The following STPG2 variants were observed in gnomAD, a reference collection of about 807,000 sequenced individuals.
The protein encoded by STPG2 is sperm tail PG-rich repeat containing 2, also known as sperm-tail PG-rich repeat-containing protein 2.
In STPG2, 56 loss-of-function variants were observed where a neutral mutation model predicts 54.2. The ratio of observed to expected loss-of-function variants is 1.03; its 90% CI spans 0.83 to 1.29. The LOEUF (loss-of-function observed/expected upper bound fraction) is 1.29, where lower values mean the gene tolerates loss of function less well. STPG2 is among the 50% of genes most tolerant of loss of function. The probability of loss-of-function intolerance (pLI) is 0.00; values close to 1 mark genes in which losing one functional copy is unlikely to be tolerated. For missense variants in STPG2, 596 were observed against 544.9 expected (o/e 1.09, Z -0.93); for synonymous variants, 200 against 181.8 (o/e 1.10, Z -0.81).
At chr4:97,489,002 G>A (rs751534378) in intron 4 of STPG2, among the ~76,000 whole-genome samples, 5 of 151,648 alleles carry the variant, frequency 3.3e-5, no homozygotes, top group Non-Finnish European at 5.9e-5. Flanking sequence ...CACAGTTCAT[G>A]GGAAGAACCC....
chr4:97,799,594 T>A (rs1727314167), intron 9 of STPG2, among the ~76,000 whole-genome samples: 2 of 152,220 alleles, frequency 1.3e-5, no homozygotes, highest in Admixed American at 1.3e-4. Context: ...AACCCGACCT[T>A]TCTCTCTGGC....
downstream of STPG2, among the ~76,000 whole-genome samples, chr4:97,553,893 C>G (rs1578383548): frequency 6.6e-6 from 1 of 152,288 alleles, no homozygotes; most frequent in East Asian, 1.9e-4. Flanking sequence ...AGTATTGGCT[C>G]AATCTCATTA....
chr4:97,553,393 C>T (rs1271556970), intron 4 of STPG2, among the ~76,000 whole-genome samples: 3 of 152,086 alleles, frequency 2.0e-5, no homozygotes, highest in African/African-American at 7.2e-5. Context: ...TTTTTCATCA[C>T]TGTTAAATAT....
chr4:97,961,044 ATACT>A (rs1231722096), intron 7 of STPG2, among the ~76,000 whole-genome samples: 1 of 152,056 alleles, frequency 6.6e-6, no homozygotes, highest in Non-Finnish European at 1.5e-5. Context: ...ATAAACCTAA[ATACT>A]TACAGTCAAC....
At chr4:97,967,407 T>C (rs574890804) in intron 7 of STPG2, among the ~76,000 whole-genome samples, 3 of 152,178 alleles carry the variant, frequency 2.0e-5, no homozygotes, top group East Asian at 3.9e-4. Flanking sequence ...ACAATAATAA[T>C]GGGAGACTTG....
At chr4:97,742,075 G>A (rs1725259531) in intron 9 of STPG2, among the ~76,000 whole-genome samples, 1 of 151,940 alleles carries the variant, frequency 6.6e-6, no homozygotes, top group Admixed American at 6.6e-5. Flanking sequence ...GGACATGGAT[G>A]AAATTGGAAA....
intron 10 of STPG2, among the ~76,000 whole-genome samples, chr4:97,576,478 T>A (rs958031521): frequency 4.6e-5 from 7 of 152,022 alleles, no homozygotes; most frequent in Admixed American, 1.3e-4. Flanking sequence ...TAGACAAAGT[T>A]GACAAAAATA....
intron 10 of STPG2, among the ~76,000 whole-genome samples, chr4:97,593,837 A>ACCCT (rs1407943390): frequency 3.0e-4 from 46 of 151,836 alleles, no homozygotes; most frequent in African/African-American, 1.1e-3. Context: ...CCAGAGAACA[A>ACCCT]AACCAGGGGC....
At chr4:97,753,068 G>A (rs1017812505) in intron 9 of STPG2, among the ~76,000 whole-genome samples, 7 of 151,778 alleles carry the variant, frequency 4.6e-5, no homozygotes, top group Admixed American at 1.3e-4. Context: ...TTTCATTGTG[G>A]TAAAATATAC....
In STPG2 at chr4:98,007,288, C is replaced by T. The variant is rs542517290; in HGVS notation, c.613-25970G>A. On this transcript the variant is annotated intron_variant, in intron 5 of 10. Transcript: ENST00000295268. The stretch of plus-strand genomic sequence containing the variant: ...CTCCAGCTTCTCAGGAAGCTGTGAG[C>T]CTGCTCACCCGCCTGGTACACCACC... Among the ~76,000 whole-genome samples, 14 of 152,276 alleles carry T rather than the reference C, an allele frequency of 9.2e-5. No individual in the cohort carries two copies. In the South Asian group the frequency reaches 2.1e-3, roughly 23 times the overall value.
intron 10 of STPG2, among the ~76,000 whole-genome samples, chr4:97,578,710 C>T (rs918534073): frequency 7.9e-5 from 12 of 151,846 alleles, no homozygotes; most frequent in African/African-American, 2.9e-4. Flanking sequence ...AATTTCCCTG[C>T]AATTTTCAAC....
intron 4 of STPG2, among the ~76,000 whole-genome samples, chr4:97,514,522 A>G (rs1731035905): frequency 6.6e-6 from 1 of 152,106 alleles, no homozygotes; most frequent in Admixed American, 6.6e-5. Flanking sequence ...GAAAAAGTAA[A>G]TTGCATTTTA....
At chr4:97,681,467 A>C (rs1182889240) in intron 10 of STPG2, among the ~76,000 whole-genome samples, 1 of 151,878 alleles carries the variant, frequency 6.6e-6, no homozygotes, top group African/African-American at 2.4e-5. Context: ...TTTTTAAATT[A>C]ATCTGTGACA....
At chr4:97,881,900 T>C (rs1053929566) in intron 8 of STPG2, among the ~76,000 whole-genome samples, 10 of 152,318 alleles carry the variant, frequency 6.6e-5, no homozygotes, top group Non-Finnish European at 8.8e-5. Context: ...ATTTAGGGTA[T>C]TGAAAGCTGG....
chr4:97,953,442 C>T (rs1733547959), intron 7 of STPG2, among the ~76,000 whole-genome samples: 1 of 152,206 alleles, frequency 6.6e-6, no homozygotes, highest in Admixed American at 6.5e-5. Context: ...CATGCTTCTC[C>T]CAGTCTGCCT....
intron 8 of STPG2, among the ~76,000 whole-genome samples, chr4:97,871,538 A>T (rs1189801953): frequency 1.3e-5 from 2 of 151,242 alleles, no homozygotes; most frequent in Non-Finnish European, 3.0e-5. Flanking sequence ...GATTTAAATA[A>T]ATTTGAAAAC....
intron 9 of STPG2, among the ~76,000 whole-genome samples, chr4:97,791,176 A>G (rs1726979346): frequency 6.6e-6 from 1 of 152,186 alleles, no homozygotes; most frequent in Non-Finnish European, 1.5e-5. Flanking sequence ...AAAAGGTGCA[A>G]TGAGATGGAA....
intron 10 of STPG2, among the ~76,000 whole-genome samples, chr4:97,582,354 T>G (rs1292562763): frequency 1.3e-5 from 2 of 152,024 alleles, no homozygotes; most frequent in African/African-American, 4.8e-5. Flanking sequence ...AACATCATGA[T>G]GCAATATAAA....
chr4:97,961,062 T>C (rs533540127), intron 7 of STPG2, among the ~76,000 whole-genome samples: 56 of 151,048 alleles, frequency 3.7e-4, no homozygotes, highest in Non-Finnish European at 7.7e-4. Flanking sequence ...AGTCAACTGG[T>C]CTTCAACAAA....
Sources: allele counts gnomAD v4.1 joint callset (sites outside exome capture counted in the v4.1 genomes callset), GRCh38; gene constraint gnomAD v4.1.1; transcripts MANE v1.5; gene names NCBI Gene and HGNC (gene_info 2026-07-23, HGNC 2026-07-21).